Variants in NEK11 observed in about 807,000 individuals in gnomAD.
NEK11 encodes the protein serine/threonine-protein kinase Nek11.
Under a neutral mutation model 80.7 loss-of-function variants are expected in NEK11, and 72 were observed. That is an observed-to-expected ratio of 0.89 (90% CI 0.74 to 1.08). NEK11 has a LOEUF of 1.08. Ranked by LOEUF, NEK11 falls within the 50% of genes least tolerant of loss-of-function variation. NEK11 has a pLI of 0.00. For missense variants in NEK11, 764 were observed against 763.6 expected, an observed-to-expected ratio of 1.00 and a Z score of -0.01; for synonymous variants, 251 against 260.7, an observed-to-expected ratio of 0.96 and a Z score of 0.36.
chr3:131,247,839 G>GT (rs34755844), intron 16 of NEK11, among the ~76,000 whole-genome samples: 24,158 of 143,332 alleles, frequency 0.17, 2,123 homozygotes, highest in South Asian at 0.26. Context: ...TATTCCTAGG[G>GT]TTTTTTTTTT....
intron 16 of NEK11, among the ~76,000 whole-genome samples, chr3:131,271,022 T>G (rs768116267): frequency 6.6e-6 from 1 of 152,188 alleles, no homozygotes; most frequent in Non-Finnish European, 1.5e-5. Context: ...AATAAACCCC[T>G]ATGCCTTCCT....
chr3:131,157,781 G>C (rs74546354), intron 10 of NEK11, among the ~76,000 whole-genome samples: 2,063 of 152,290 alleles, frequency 0.014, 44 homozygotes, highest in African/African-American at 0.048. Context: ...GACGCTGGGG[G>C]AATGGGTGAG....
chr3:131,215,691 C>T (rs370395571), intron 14 of NEK11, among the ~76,000 whole-genome samples: 15 of 152,168 alleles, frequency 9.9e-5, no homozygotes, highest in Admixed American at 3.9e-4. Context: ...ACTACCTCTC[C>T]CCTGCTACAT....
chr3:131,131,894 G>A (rs992956514), intron 5 of NEK11, among the ~76,000 whole-genome samples: 1 of 151,918 alleles, frequency 6.6e-6, no homozygotes, highest in African/African-American at 2.4e-5. Context: ...TTTTGATAAA[G>A]TGTGTTTTCA....
At chr3:131,115,940 T>G (rs2081032963) in intron 5 of NEK11, among the ~76,000 whole-genome samples, 2 of 121,288 alleles carry the variant, frequency 1.6e-5, no homozygotes, top group Non-Finnish European at 3.6e-5. Flanking sequence ...CTTTCTTTCT[T>G]TCTTTCTTTC....
chr3:131,111,168 T>G (rs2080073947), intron 5 of NEK11, among the ~76,000 whole-genome samples: 1 of 152,188 alleles, frequency 6.6e-6, no homozygotes, highest in Non-Finnish European at 1.5e-5. Context: ...TTGGTTGATT[T>G]AAGAACCCAA....
intron 11 of NEK11, among the ~76,000 whole-genome samples, chr3:131,163,918 T>C (rs1332296958): frequency 6.6e-6 from 1 of 152,164 alleles, no homozygotes; most frequent in African/African-American, 2.4e-5. Context: ...AATTTCCAAA[T>C]TTTTCTTATT....
At chr3:131,061,692 C>G (rs577923078) in intron 3 of NEK11, among the ~76,000 whole-genome samples, 1 of 152,258 alleles carries the variant, frequency 6.6e-6, no homozygotes, top group African/African-American at 2.4e-5. Context: ...TCTCTCGGAT[C>G]CAAGCAACAA....
intron 14 of NEK11, among the ~76,000 whole-genome samples, chr3:131,224,575 T>TA (rs1207997393): frequency 6.6e-6 from 1 of 151,900 alleles, no homozygotes; most frequent in East Asian, 1.9e-4. Flanking sequence ...TTCTACTTAT[T>TA]AAAAAAAATT....
chr3:131,074,993 G>A (rs2074102075), intron 3 of NEK11, among the ~76,000 whole-genome samples: 1 of 152,168 alleles, frequency 6.6e-6, no homozygotes, highest in Non-Finnish European at 1.5e-5. Flanking sequence ...AGACAGTAAA[G>A]TAACAGAAGC....
chr3:131,250,424 T>C (rs1463159722), intron 16 of NEK11, among the ~76,000 whole-genome samples: 2 of 152,034 alleles, frequency 1.3e-5, no homozygotes, highest in Non-Finnish European at 2.9e-5. Context: ...ATCCAAACTA[T>C]CAATCAAGTG....
At chr3:131,281,361 G>A (rs1485087028) in intron 17 of NEK11, among the ~76,000 whole-genome samples, 3 of 152,054 alleles carry the variant, frequency 2.0e-5, no homozygotes, top group Non-Finnish European at 4.4e-5. Context: ...TAAGAAATTG[G>A]TAACATATTA....
chr3:131,188,728 A>C (rs1245851762), intron 14 of NEK11, among the ~76,000 whole-genome samples: 1 of 152,140 alleles, frequency 6.6e-6, no homozygotes, highest in Non-Finnish European at 1.5e-5. Flanking sequence ...TCAGGCATCC[A>C]TTCTGCTGAG....
intron 16 of NEK11, among the ~76,000 whole-genome samples, chr3:131,251,004 G>T (rs2095690273): frequency 6.6e-6 from 1 of 151,736 alleles, no homozygotes; most frequent in South Asian, 2.1e-4. Flanking sequence ...TAACTATATT[G>T]GAAAGATGGA....
In NEK11 at chr3:131,223,470, C is replaced by T. The variant is rs116794326; in HGVS notation, c.1400-5058C>T. 4.4e-3 allele frequency among the ~76,000 whole-genome samples: 663 copies of T among 152,200 alleles called. 5 individuals carry two copies. The highest frequency in any genetic ancestry group is 0.014 in the African/African-American group (600 of 41,520). ...AAGGCTGTCTGTACACAATGAGCTACGTTTTGGGAAGAGGAGCTTAGTGTT... is the reference window on the plus strand; with the variant it reads ...AAGGCTGTCTGTACACAATGAGCTATGTTTTGGGAAGAGGAGCTTAGTGTT... On this transcript the variant is annotated intron_variant, in intron 14 of 17. Transcript: ENST00000383366.
At chr3:131,104,540 G>A (rs895149727) in intron 4 of NEK11, among the ~76,000 whole-genome samples, 5 of 152,116 alleles carry the variant, frequency 3.3e-5, no homozygotes, top group African/African-American at 9.7e-5. Flanking sequence ...CTCCATCCCA[G>A]AGGAAAGAAG....
At chr3:131,221,412 C>G (rs908245074) in intron 14 of NEK11, among the ~76,000 whole-genome samples, 1 of 152,144 alleles carries the variant, frequency 6.6e-6, no homozygotes, top group Non-Finnish European at 1.5e-5. Flanking sequence ...GAGGTATAGG[C>G]AAATTTGGAA....
chr3:131,120,056 G>A (rs980636307), intron 5 of NEK11, among the ~76,000 whole-genome samples: 57 of 152,152 alleles, frequency 3.7e-4, no homozygotes, highest in Non-Finnish European at 6.0e-4. Flanking sequence ...GTTAGTTGAT[G>A]CAGTTTCTTC....
intron 17 of NEK11, among the ~76,000 whole-genome samples, chr3:131,287,743 C>T (rs2108915133): frequency 6.6e-6 from 1 of 152,298 alleles, no homozygotes; most frequent in South Asian, 2.1e-4. Flanking sequence ...CAAGCTGAGC[C>T]AGCCCACCTT....
Sources: allele counts gnomAD v4.1 joint callset (sites outside exome capture counted in the v4.1 genomes callset), GRCh38; gene constraint gnomAD v4.1.1; transcripts MANE v1.5; gene names NCBI Gene and HGNC (gene_info 2026-07-23, HGNC 2026-07-21).